Variants in NRXN1 observed in about 807,000 individuals in gnomAD.
NRXN1 encodes the protein neurexin 1.
A neutral mutation model predicts 150.9 loss-of-function variants in NRXN1; 39 were observed. The ratio of observed to expected loss-of-function variants is 0.26; its 90% confidence interval spans 0.20 to 0.34. The LOEUF is 0.34. Ranked by LOEUF, NRXN1 falls within the 10% of genes least tolerant of loss-of-function variation. The pLI, the probability that NRXN1 is intolerant of heterozygous loss-of-function variation, is 1.00. For missense variants in NRXN1, 1,815 were observed against 1,949.9 expected, an observed-to-expected ratio of 0.93 and a Z score of 1.30; for synonymous variants, 924 against 757.0, an observed-to-expected ratio of 1.22 and a Z score of -3.62.
chr2:50,392,591 A>G (rs960298862), intron 17 of NRXN1, among the ~76,000 whole-genome samples: 2 of 152,200 alleles, frequency 1.3e-5, no homozygotes, highest in Non-Finnish European at 2.9e-5. Flanking sequence ...GACCAGAATA[A>G]TTTCAACTTT....
chr2:50,588,881 G>A (rs1030129598), intron 8 of NRXN1: 1 of 152,142 alleles, frequency 6.6e-6, no homozygotes, highest in African/African-American at 2.4e-5. Flanking sequence ...GTAGGCTCGT[G>A]TATCCACGTC....
chr2:50,017,307 G>A lies in NRXN1; in HGVS notation c.4128+35964C>T, dbSNP rs537392022. On this transcript the variant is annotated intron_variant, in intron 21 of 22. Transcript: ENST00000401669. Reference sequence around the variant, plus strand: ...TCAAATGTGCAGTAACAGCCCCCAAGTGATGTATTGTCAAAATATTTTTGA... The same window carrying A: ...TCAAATGTGCAGTAACAGCCCCCAAATGATGTATTGTCAAAATATTTTTGA... Among the ~76,000 whole-genome samples the A allele has an allele frequency of 2.0e-5, 3 of 152,232 alleles. No homozygotes were observed. In the South Asian group the frequency reaches 6.2e-4, roughly 32 times the overall value.
intron 22 of NRXN1, among the ~76,000 whole-genome samples, chr2:49,939,909 A>G (rs1003897738): frequency 4.6e-5 from 7 of 152,206 alleles, no homozygotes; most frequent in Non-Finnish European, 7.4e-5. Context: ...CCCACCAAAT[A>G]TATAACTTCC....
At chr2:50,227,359 T>C (rs1478941440) in intron 18 of NRXN1, among the ~76,000 whole-genome samples, 1 of 151,976 alleles carries the variant, frequency 6.6e-6, no homozygotes, top group Non-Finnish European at 1.5e-5. Flanking sequence ...GGGCTTCAAA[T>C]TGACAACTGA....
At chr2:50,911,848 T>G (rs1178984300) in intron 5 of NRXN1, among the ~76,000 whole-genome samples, 1 of 151,906 alleles carries the variant, frequency 6.6e-6, no homozygotes, top group Admixed American at 6.6e-5. Context: ...AATGAAAATT[T>G]TAATGACCTT....
intron 15 of NRXN1, among the ~76,000 whole-genome samples, chr2:50,483,496 C>T (rs373684033): frequency 1.3e-5 from 2 of 152,182 alleles, no homozygotes; most frequent in African/African-American, 4.8e-5. Context: ...AGAACCCTCT[C>T]TTGGGTTCCG....
chr2:50,177,816 T>TCTCC (rs937239001), intron 18 of NRXN1, among the ~76,000 whole-genome samples: 1 of 137,962 alleles, frequency 7.2e-6, no homozygotes, highest in South Asian at 2.7e-4. Flanking sequence ...TCTCTCCTCC[T>TCTCC]CTCCCTCCCT....
At chr2:50,614,912 T>C (rs1403049323) in intron 8 of NRXN1, among the ~76,000 whole-genome samples, 5 of 152,202 alleles carry the variant, frequency 3.3e-5, no homozygotes, top group Admixed American at 3.3e-4. Flanking sequence ...TTTCCCAGTG[T>C]TGATGCTGGT....
intron 9 of NRXN1, among the ~76,000 whole-genome samples, chr2:50,549,419 C>T (rs1311392103): frequency 2.0e-5 from 3 of 151,994 alleles, no homozygotes; most frequent in African/African-American, 7.2e-5. Context: ...AGTGAATGAA[C>T]TTTGGTTTTT....
At position 50,520,921 on chromosome 2, in the gene NRXN1, T is replaced by A. The variant is rs187341524; in HGVS notation, c.2374+7704A>T. 3.6e-4 allele frequency among the ~76,000 whole-genome samples: 55 copies of A among 152,186 alleles called. 1 individual carries two copies. The East Asian group carries it at 0.01, about 28-fold the overall frequency. On this transcript the variant is annotated intron_variant, in intron 12 of 22. Transcript: ENST00000401669. ...CTAGAAACTTATAATTCATGAAAAA[T>A]CTGTAAAAACAACTTTAAGACATGT...
chr2:50,918,887 T>C, intron 5 of NRXN1: 1 of 192,816 alleles, frequency 5.2e-6, no homozygotes, highest in Non-Finnish European at 1.0e-5. Flanking sequence ...TGAATCCATC[T>C]ACCCACAACC....
chr2:50,626,108 G>A (rs1165049840), intron 5 of NRXN1, among the ~76,000 whole-genome samples: 3 of 151,918 alleles, frequency 2.0e-5, no homozygotes, highest in Non-Finnish European at 2.9e-5. Flanking sequence ...CAAATATATT[G>A]CACAAATTGA....
chr2:51,024,367 T>C (rs568599869), intron 2 of NRXN1, among the ~76,000 whole-genome samples: 8 of 152,222 alleles, frequency 5.3e-5, no homozygotes, highest in Admixed American at 1.3e-4. Context: ...CGTTTTTTTT[T>C]CCCTTGAATA....
intron 18 of NRXN1, among the ~76,000 whole-genome samples, chr2:50,097,310 G>C (rs1700352969): frequency 6.6e-6 from 1 of 152,148 alleles, no homozygotes; most frequent in Non-Finnish European, 1.5e-5. Flanking sequence ...ATGCACCATA[G>C]TACAGTCCAG....
chr2:50,626,588 A>T (rs1272303564), intron 5 of NRXN1, among the ~76,000 whole-genome samples: 1 of 151,964 alleles, frequency 6.6e-6, no homozygotes, highest in East Asian at 1.9e-4. Context: ...GTGAAATTGG[A>T]TCTTTACATC....
intron 18 of NRXN1, among the ~76,000 whole-genome samples, chr2:50,194,943 T>C (rs1413130607): frequency 3.3e-5 from 5 of 152,166 alleles, no homozygotes; most frequent in Admixed American, 1.3e-4. Context: ...GAGTGAAAGG[T>C]ATAAAACTTC....
chr2:50,193,662 T>C (rs2061580428), intron 18 of NRXN1, among the ~76,000 whole-genome samples: 1 of 152,152 alleles, frequency 6.6e-6, no homozygotes, highest in Non-Finnish European at 1.5e-5. Context: ...CTACCTTTCA[T>C]ATATTAAGCA....
chr2:50,264,490 G>A (rs1669606351), intron 17 of NRXN1, among the ~76,000 whole-genome samples: 1 of 151,958 alleles, frequency 6.6e-6, no homozygotes, highest in Non-Finnish European at 1.5e-5. Flanking sequence ...AAACAAGGAG[G>A]AAATGTCAGA....
At chr2:50,263,547 G>A (rs1294789853) in intron 17 of NRXN1, among the ~76,000 whole-genome samples, 1 of 151,782 alleles carries the variant, frequency 6.6e-6, no homozygotes, top group Non-Finnish European at 1.5e-5. Flanking sequence ...AATTACAGTT[G>A]GTCATTAAAT....
Sources: gnomAD v4.1 joint callset for allele counts (sites outside exome capture counted in the v4.1 genomes callset) on GRCh38, gnomAD v4.1.1 for gene constraint, MANE v1.5 for transcripts, NCBI Gene and HGNC (gene_info 2026-07-23, HGNC 2026-07-21) for gene names.